DCLRE1C: variants seen among roughly 807,000 people sequenced by gnomAD.
DCLRE1C encodes the protein DNA cross-link repair 1C.
DCLRE1C carries 47 observed loss-of-function variants against 61.4 expected under a neutral mutation model. That is an observed-to-expected ratio of 0.77 (90% CI 0.61 to 0.98). The LOEUF (loss-of-function observed/expected upper bound fraction) is 0.98. Ranked by LOEUF, DCLRE1C falls within the 50% of genes least tolerant of loss-of-function variation. The probability of loss-of-function intolerance (pLI) is 0.00; values close to 1 mark genes in which losing one functional copy is unlikely to be tolerated. For missense variants in DCLRE1C, 858 were observed against 816.0 expected (o/e 1.05, Z -0.63); for synonymous variants, 337 against 287.6 (o/e 1.17, Z -1.74).
Position 14,936,568 on chromosome 10 carries a change from AAG to A in DCLRE1C, c.330_331del (p.Leu111ThrfsTer17). 1.2e-6 allele frequency: 2 copies of A among 1,613,404 alleles called. No individual in the cohort carries two copies. The highest frequency in any genetic ancestry group is 1.7e-6 in the Non-Finnish European group (2 of 1,179,420). On this transcript the variant is annotated frameshift_variant, in exon 5 of 14. Transcript: ENST00000378278. LOFTEE classifies it high-confidence loss of function. Reference sequence around the variant, plus strand: ...TGATCCCGGACAGTGACCAGCTGGTAAGAGAGTCACAACAATCTCTTCCTTCT... The same window carrying A: ...TGATCCCGGACAGTGACCAGCTGGTAAGAGTCACAACAATCTCTTCCTTCT...
At chr10:14,933,038 A>C in intron 8 of DCLRE1C, 83 bp from the exon 9 acceptor site, 1 of 1,461,722 alleles carries the variant, frequency 6.8e-7, no homozygotes, top group African/African-American at 1.4e-5. Flanking sequence ...AGGGCAAAAC[A>C]CCCAGTTAGT....
At chr10:14,942,927 C>T (rs1841095599) in intron 3 of DCLRE1C, among the ~76,000 whole-genome samples, 1 of 152,104 alleles carries the variant, frequency 6.6e-6, no homozygotes, top group Non-Finnish European at 1.5e-5. Flanking sequence ...GAGTACAAGA[C>T]CAGCCTCGCC....
At chr10:14,943,514 C>G (rs1407352443) in intron 3 of DCLRE1C, among the ~76,000 whole-genome samples, 1 of 152,122 alleles carries the variant, frequency 6.6e-6, no homozygotes, top group Non-Finnish European at 1.5e-5. Flanking sequence ...TCTGTTTTAT[C>G]TATGTCTCTT....
intron 13 of DCLRE1C, 37 bp downstream of exon 13, chr10:14,919,701 G>A (rs771943660): frequency 6.6e-7 from 1 of 1,509,782 alleles, no homozygotes; most frequent in Non-Finnish European, 9.2e-7. Context: ...TGTTTGCAGG[G>A]AGCCCACCCC....
chr10:14,941,443 C>A (rs548088752), intron 3 of DCLRE1C, among the ~76,000 whole-genome samples: 1 of 152,262 alleles, frequency 6.6e-6, no homozygotes, highest in Admixed American at 6.5e-5. Context: ...CTCTACTATA[C>A]CAGGCTAGTT....
In DCLRE1C at chr10:14,905,478, G is replaced by C. The variant is rs529803447; in HGVS notation, c.*2930C>G. 2.9e-4 allele frequency among the ~76,000 whole-genome samples: 44 copies of C among 152,320 alleles called. 1 individual carries two copies. Among genetic ancestry groups the C allele is most frequent in the Admixed American group, 2.7e-3 (42 of 15,302 alleles). On this transcript the variant is annotated 3_prime_UTR_variant, in exon 14 of 14. Transcript: ENST00000378278. ...TCATGTGCTTCTAATGAACCTGTCA[G>C]GTTGGTGTAAGGTAACAAGCTTAGA...
At position 14,913,843 on chromosome 10, in the gene DCLRE1C, T is replaced by TG. The variant is rs529670075; in HGVS notation, c.1157-4514dup. On this transcript the variant is annotated intron_variant, in intron 13 of 13. Transcript: ENST00000378278. The stretch of plus-strand genomic sequence containing the variant: ...GAGCATCTGCAGATTTTGGTACTCT[T>TG]GGGGGGGTCCTGGAACCAATCCCCC... 1.1e-4 allele frequency among the ~76,000 whole-genome samples: 17 copies of TG among 152,176 alleles called. No homozygotes were observed. The South Asian group carries it at 1.5e-3, about 13-fold the overall frequency.
intron 12 of DCLRE1C, among the ~76,000 whole-genome samples, chr10:14,921,286 C>T (rs1415904756): frequency 2.0e-5 from 3 of 151,958 alleles, no homozygotes; most frequent in African/African-American, 7.3e-5. Context: ...CGCCACTGCA[C>T]TCCAACCTGG....
chr10:14,908,183 TTTTTG>T lies in DCLRE1C; in HGVS notation c.*220_*224del. On this transcript the variant is annotated 3_prime_UTR_variant, in exon 14 of 14. Transcript: ENST00000378278. Reference sequence around the variant, plus strand: ...TGCCTGGCTTTTTTTTTTTTTTTTTTTTTTGTAAGTAGAGACACATTTCACTGTGT... The same window carrying T: ...TGCCTGGCTTTTTTTTTTTTTTTTTTTAAGTAGAGACACATTTCACTGTGT... 13 of 282,056 alleles carry T rather than the reference TTTTTG, an allele frequency of 4.6e-5. No individual in the cohort carries two copies. The South Asian group carries it at 5.2e-4, about 11-fold the overall frequency. The allele number at this position is 282,056 out of a possible 1,614,324, so 17.5% of individuals were successfully genotyped here.
chr10:14,919,508 C>G (rs186743117), intron 13 of DCLRE1C, among the ~76,000 whole-genome samples: 7 of 152,204 alleles, frequency 4.6e-5, no homozygotes, highest in Non-Finnish European at 7.3e-5. Flanking sequence ...ACACCACACA[C>G]GATGGCACCG....
chr10:14,899,717 C>A, downstream of DCLRE1C: 1 of 1,609,912 alleles, frequency 6.2e-7, no homozygotes, highest in Non-Finnish European at 8.5e-7. Flanking sequence ...TTAGACACGA[C>A]TAACAATTCA....
At chr10:14,913,560 C>T (rs1356136844) in intron 13 of DCLRE1C, among the ~76,000 whole-genome samples, 6 of 152,158 alleles carry the variant, frequency 3.9e-5, no homozygotes, top group Non-Finnish European at 7.3e-5. Context: ...TATCTTTTCA[C>T]TCTGATATGT....
At chr10:14,928,250 C>T (rs559564771) in intron 9 of DCLRE1C, 98 bp from the exon 10 acceptor site, 7 of 1,042,250 alleles carry the variant, frequency 6.7e-6, no homozygotes, top group East Asian at 5.3e-5. Flanking sequence ...TTTCCAGACA[C>T]GAAAAAATAA....
In DCLRE1C at chr10:14,953,923, A is replaced by C; in HGVS notation, c.88T>G (p.Phe30Val). Reference protein sequence around the residue: ...DRENLRARAYFLSHCHKDHMK... With the variant: ...DRENLRARAYVLSHCHKDHMK... ...TCACCTTTGTGGCAGTGGGACAGGA[A>C]GTAGGCGCGGGCCCTCAGGTTCTCC... The change falls in exon 1 of 14, where the codon TTC becomes GTC. Residue 30 changes from phenylalanine to valine, a missense_variant. By Grantham distance (50) the Phe-to-Val change is conservative. Transcript: ENST00000378278. 6.2e-7 allele frequency: 1 copy of C among 1,614,040 alleles called. No homozygotes were observed.
At position 14,933,540 on chromosome 10, in the gene DCLRE1C, G is replaced by A. The variant is rs1232138500; in HGVS notation, c.679-585C>T. Among the ~76,000 whole-genome samples, 3 of 152,092 alleles carry A rather than the reference G, an allele frequency of 2.0e-5. No individual in the cohort carries two copies. The East Asian group carries it at 5.8e-4, about 29-fold the overall frequency. ...TAATCCAAGCTACTCGGGAGTCTGAGGCAAGAGAATCACTTGAACCCAGGA... is the reference window on the plus strand; with the variant it reads ...TAATCCAAGCTACTCGGGAGTCTGAAGCAAGAGAATCACTTGAACCCAGGA... On this transcript the variant is annotated intron_variant, in intron 8 of 13. Coordinates refer to ENST00000378278, the MANE Select transcript of DCLRE1C (RefSeq NM_001033855.3).
intron 5 of DCLRE1C, among the ~76,000 whole-genome samples, chr10:14,935,877 T>A (rs1839822350): frequency 6.6e-6 from 1 of 152,196 alleles, no homozygotes; most frequent in Admixed American, 6.5e-5. Flanking sequence ...AAATACAAGG[T>A]CACTGGGGAA....
At chr10:14,918,038 A>G (rs1349575227) in intron 13 of DCLRE1C, among the ~76,000 whole-genome samples, 1 of 152,244 alleles carries the variant, frequency 6.6e-6, no homozygotes, top group Non-Finnish European at 1.5e-5. Context: ...ATGTGGAGCA[A>G]CTGAACTCTC....
At position 14,932,871 on chromosome 10, in the gene DCLRE1C, C is replaced by T; in HGVS notation, c.763G>A (p.Ala255Thr). ...ACACGTACCTTGGGATGCCGGCATG[C>T]ATGGATCTGAGTGTTGCGGTCTGTT... ...LTTDRNTQIH[A>T]CRHPKAEEYF... The change falls in exon 9 of 14, where the codon GCA (alanine) becomes ACA (threonine). Residue 255 changes from alanine (A) to threonine (T), a missense_variant. Around this residue, in one of 2 missense-constraint regions of DCLRE1C, gnomAD observed 843 missense variants for 783.5 expected, o/e 1.08. Transcript: ENST00000378278. 1 of 1,614,176 alleles carries T rather than the reference C, an allele frequency of 6.2e-7. No individual in the cohort carries two copies. Among genetic ancestry groups the T allele is most frequent in the Non-Finnish European group, 8.5e-7 (1 of 1,180,028 alleles).
chr10:14,897,998 A>G (rs1397124848), exon 14 of DCLRE1C: 2 of 151,958 alleles, frequency 1.3e-5, no homozygotes, highest in Admixed American at 6.6e-5. Flanking sequence ...TATTGCATCC[A>G]TAATCTGTAA....
Sources: allele counts gnomAD v4.1 joint callset (sites outside exome capture counted in the v4.1 genomes callset), GRCh38; gene constraint gnomAD v4.1.1; regional missense constraint gnomAD v4.1.1; transcripts MANE v1.5; gene names NCBI Gene and HGNC (gene_info 2026-07-23, HGNC 2026-07-21).